The following KCNQ4 variants were observed in gnomAD, a reference collection of about 807,000 sequenced individuals.
KCNQ4 encodes the protein potassium voltage-gated channel subfamily KQT member 4.
Under a neutral mutation model 72.6 loss-of-function variants are expected in KCNQ4, and 31 were observed. The observed-to-expected ratio is 0.43, with a 90% CI of 0.32 to 0.58. The LOEUF (loss-of-function observed/expected upper bound fraction) is 0.58. Among genes scored for constraint, KCNQ4 ranks in the 20% least tolerant of loss-of-function variants. The pLI is 0.08. For synonymous variants in KCNQ4, 405 were observed against 403.7 expected, an observed-to-expected ratio of 1.00 and a Z score of -0.04; for missense variants, 869 against 962.6, an observed-to-expected ratio of 0.90 and a Z score of 1.29.
intron 1 of KCNQ4, among the ~76,000 whole-genome samples, chr1:40,802,040 A>G (rs1014305329): frequency 7.2e-5 from 11 of 152,012 alleles, no homozygotes; most frequent in Non-Finnish European, 8.8e-5. Context: ...TTGGGACTCA[A>G]TATTATCATC....
At chr1:40,834,898 A>T (rs1048046917) in intron 11 of KCNQ4, 69 bp from the exon 12 acceptor site, 9 of 1,597,806 alleles carry the variant, frequency 5.6e-6, no homozygotes, top group Non-Finnish European at 7.7e-6. Flanking sequence ...TAGCAAAGAG[A>T]TGGAGAGGGT....
At chr1:40,826,547 G>A (rs559427683) in intron 9 of KCNQ4, 3 of 407,838 alleles carry the variant, frequency 7.4e-6, no homozygotes, top group East Asian at 7.6e-5. Flanking sequence ...ACCAGCTACC[G>A]GAGGCCGGCC....
At chr1:40,810,035 G>A (rs1288227829) in intron 1 of KCNQ4, among the ~76,000 whole-genome samples, 1 of 147,264 alleles carries the variant, frequency 6.8e-6, no homozygotes, top group Non-Finnish European at 1.5e-5. Context: ...ACTCCAGCCT[G>A]GGCGACAGAG....
At chr1:40,809,037 A>C (rs892983911) in intron 1 of KCNQ4, among the ~76,000 whole-genome samples, 1 of 152,050 alleles carries the variant, frequency 6.6e-6, no homozygotes, top group African/African-American at 2.4e-5. Context: ...GGACCCAGTG[A>C]CCAATGTGTC....
intron 1 of KCNQ4, among the ~76,000 whole-genome samples, chr1:40,798,997 G>A (rs1647495021): frequency 6.6e-6 from 1 of 152,258 alleles, no homozygotes; most frequent in South Asian, 2.1e-4. Context: ...GCATGGGGTG[G>A]GCCCTGGCTG....
chr1:40,790,221 T>C (rs1202164723), intron 1 of KCNQ4, among the ~76,000 whole-genome samples: 1 of 152,236 alleles, frequency 6.6e-6, no homozygotes, highest in East Asian at 1.9e-4. Flanking sequence ...TTTTCTCATC[T>C]GAAAAATGGG....
At position 40,838,717 on chromosome 1, in the gene KCNQ4, CGTGAGA is replaced by C; in HGVS notation, c.*195_*200del. Reference sequence around the variant, plus strand: ...CAGCGCCCCTTCCCCACCTCAGGAGCGTGAGATGCCAGGTCGCACAGAGGGCAGCAG... The same window carrying C: ...CAGCGCCCCTTCCCCACCTCAGGAGCTGCCAGGTCGCACAGAGGGCAGCAG... On this transcript the variant is annotated 3_prime_UTR_variant, in exon 14 of 14. Transcript: ENST00000347132. 1.6e-6 allele frequency: 1 copy of C among 633,546 alleles called. No individual in the cohort carries two copies. Among genetic ancestry groups the C allele is most frequent in the Admixed American group, 2.5e-5 (1 of 40,676 alleles). The allele number at this position is 633,546 out of a possible 1,614,324, so 39.2% of individuals were successfully genotyped here. A position where few individuals can be genotyped will look rare whatever the true frequency, so the allele number is the denominator to read the frequency against.
Position 40,838,387 on chromosome 1 carries a change from G to A in KCNQ4, c.1952G>A (p.Ser651Asn). 6.2e-7 allele frequency: 1 copy of A among 1,614,058 alleles called. No individual in the cohort carries two copies. Among genetic ancestry groups the A allele is most frequent in the African/African-American group, 1.3e-5 (1 of 75,052 alleles). Residue 651 changes from serine to asparagine, a missense_variant, in exon 14 of 14, where the codon AGC becomes AAC. Physicochemically the swap from Ser to Asn is conservative, Grantham distance 46. Coordinates refer to ENST00000347132, the MANE Select transcript of KCNQ4 (RefSeq NM_004700.4). The stretch of plus-strand genomic sequence containing the variant: ...TGCCTGCGCTCTGGCACCTCGGCCA[G>A]CCTGGGCGCCGTGCAAGTGCCGCTG... ...SRCLRSGTSASLGAVQVPLFD... is the reference protein window; with the variant it reads ...SRCLRSGTSANLGAVQVPLFD...
At chr1:40,790,972 A>G (rs1647269428) in intron 1 of KCNQ4, among the ~76,000 whole-genome samples, 1 of 152,174 alleles carries the variant, frequency 6.6e-6, no homozygotes, top group African/African-American at 2.4e-5. Flanking sequence ...TTTGGGCCTC[A>G]TGGTCCAACC....
At chr1:40,838,246 G>T in intron 13 of KCNQ4, 65 bp from the exon 14 acceptor site, 3 of 1,424,630 alleles carry the variant, frequency 2.1e-6, no homozygotes, top group Non-Finnish European at 2.9e-6. Context: ...CGAGACCCAA[G>T]CCCCGCCCCC....
In KCNQ4 at chr1:40,831,288, C is replaced by G. The variant is rs1483558264; in HGVS notation, c.1497C>G (p.Pro499=). The change falls in exon 10 of 14, where the codon CCC becomes CCG. Residue 499 remains proline (P), a synonymous_variant. Transcript: ENST00000347132. ...TCCGGGCATCTCTGAGACTCAAACC[C>G]CGCACCTCTGCTGAGGGTAAGCCCC... is the stretch of plus-strand genomic sequence containing the variant. The part of the protein sequence containing the change: ...TRFRASLRLK[P]RTSAEDAPSE... 6.2e-7 allele frequency: 1 copy of G among 1,601,314 alleles called. No homozygotes were observed. The highest frequency in any genetic ancestry group is 8.5e-7 in the Non-Finnish European group (1 of 1,174,244).
chr1:40,787,489 G>C (rs1647214715), intron 1 of KCNQ4, among the ~76,000 whole-genome samples: 1 of 152,186 alleles, frequency 6.6e-6, no homozygotes, highest in Non-Finnish European at 1.5e-5. Context: ...GCCCCACACA[G>C]AACCTGCATC....
At chr1:40,807,200 G>C (rs1647790644) in intron 1 of KCNQ4, among the ~76,000 whole-genome samples, 1 of 152,140 alleles carries the variant, frequency 6.6e-6, no homozygotes, top group Admixed American at 6.5e-5. Context: ...CTATGTGCTG[G>C]CGGCTGCTGT....
rs374043593 is a variant in KCNQ4, at chr1:40,822,297, G to A, written c.1042-17G>A. ...GCCTCACTGATGCCCCATCCCCCAC[G>A]TCCCCCATACCACCAGGCTGCCTGG... is the stretch of plus-strand genomic sequence containing the variant. On this transcript the variant is annotated splice_polypyrimidine_tract_variant and intron_variant, in intron 7 of 13. Transcript: ENST00000347132. 5.5e-5 allele frequency: 88 copies of A among 1,610,438 alleles called. No individual in the cohort carries two copies. The highest frequency in any genetic ancestry group is 1.7e-4 in the Middle Eastern group (1 of 6,046).
chr1:40,831,106 C>T lies in KCNQ4; in HGVS notation c.1315C>T (p.Arg439Cys), dbSNP rs145573794. Residue 439 changes from arginine (R) to cysteine (C), a missense_variant, in exon 10 of 14, where the codon CGC becomes TGC. Physicochemically the swap from Arg to Cys is radical, Grantham distance 180. Transcript: ENST00000347132. ...GESSRMGIKDRIRMGSSQRRT... is the reference protein window; with the variant it reads ...GESSRMGIKDCIRMGSSQRRT... The stretch of plus-strand genomic sequence containing the variant: ...CAGCAGCCGGATGGGCATCAAAGAC[C>T]GCATCCGCATGGGCAGCTCCCAGCG... 165 of 1,601,932 alleles carry T rather than the reference C, an allele frequency of 1.0e-4. No individual in the cohort carries two copies. Among genetic ancestry groups the T allele is most frequent in the Non-Finnish European group, 1.3e-4 (152 of 1,174,370 alleles).
intron 6 of KCNQ4, 89 bp from the exon 7 acceptor site, chr1:40,820,076 T>G: frequency 6.5e-7 from 1 of 1,527,382 alleles, no homozygotes; most frequent in East Asian, 2.3e-5. Context: ...CTGGGGTACC[T>G]CAGAGGGGCA....
In KCNQ4 at chr1:40,788,050, G is replaced by A. The variant is rs1275307446; in HGVS notation, c.314+3643G>A. ...GTGGGGTCAGAAGCTGTGGGAATGG[G>A]GAGGGGAGGAGGTGGCAGCAGCTTC... On this transcript the variant is annotated intron_variant, in intron 1 of 13. Coordinates refer to ENST00000347132, the MANE Select transcript of KCNQ4 (RefSeq NM_004700.4). The surrounding 1 kb of genome is among the most constrained non-coding windows in gnomAD (Gnocchi z 4.5). Among the ~76,000 whole-genome samples the A allele has an allele frequency of 1.3e-5, 2 of 152,132 alleles. No individual in the cohort carries two copies. Among genetic ancestry groups the A allele is most frequent in the Non-Finnish European group, 2.9e-5 (2 of 68,026 alleles).
chr1:40,828,543 A>G (rs1403779243), intron 9 of KCNQ4, among the ~76,000 whole-genome samples: 1 of 152,214 alleles, frequency 6.6e-6, no homozygotes, highest in Non-Finnish European at 1.5e-5. Context: ...CTGAAGTCAG[A>G]GAAGGCTGGG....
At chr1:40,816,152 G>A (rs1558010292) in intron 1 of KCNQ4, among the ~76,000 whole-genome samples, 1 of 152,178 alleles carries the variant, frequency 6.6e-6, no homozygotes, top group Admixed American at 6.5e-5. Flanking sequence ...ACGGTGCAGA[G>A]GTGGGGAGAC....
Sources: allele counts gnomAD v4.1 joint callset (sites outside exome capture counted in the v4.1 genomes callset), GRCh38; gene constraint gnomAD v4.1.1; non-coding constraint Gnocchi (gnomAD v3.1); transcripts MANE v1.5; gene names NCBI Gene and HGNC (gene_info 2026-07-23, HGNC 2026-07-21).